The following SBF2 variants were observed in gnomAD, a reference collection of about 807,000 sequenced individuals.
SBF2 encodes myotubularin-related protein 13.
A neutral mutation model predicts 225.2 loss-of-function variants in SBF2; 112 were observed. The ratio of observed to expected loss-of-function variants is 0.50; its 90% CI spans 0.43 to 0.58. SBF2 has a LOEUF of 0.58. Among genes scored for constraint, SBF2 ranks in the 20% least tolerant of loss-of-function variants. SBF2 has a pLI of 0.00. For synonymous variants in SBF2, 763 were observed against 773.3 expected, an observed-to-expected ratio of 0.99 and a Z score of 0.22; for missense variants, 1,996 against 2,206.2, an observed-to-expected ratio of 0.90 and a Z score of 1.91.
At chr11:10,018,304 G>A (rs886823494) in intron 6 of SBF2, among the ~76,000 whole-genome samples, 1 of 151,880 alleles carries the variant, frequency 6.6e-6, no homozygotes, top group African/African-American at 2.4e-5. Context: ...CAGTGAAGAC[G>A]AAAGACTGGT....
At chr11:9,817,063 T>A (rs771063988) in intron 28 of SBF2, 39 bp from the exon 29 acceptor site, 14 of 1,608,776 alleles carry the variant, frequency 8.7e-6, no homozygotes, top group African/African-American at 6.7e-5. Context: ...GATAATCTAA[T>A]GTGGGAATGC....
intron 6 of SBF2, among the ~76,000 whole-genome samples, chr11:10,017,940 T>C (rs1948712116): frequency 6.6e-6 from 1 of 152,188 alleles, no homozygotes; most frequent in African/African-American, 2.4e-5. Context: ...CATCAGATTT[T>C]TCCAACCTTC....
chr11:10,278,534 A>C (rs1319818265), intron 1 of SBF2, among the ~76,000 whole-genome samples: 3 of 152,194 alleles, frequency 2.0e-5, no homozygotes, highest in Admixed American at 2.0e-4. Context: ...TAATCCCAGC[A>C]CTTTGGGAGG....
chr11:10,288,870 C>A (rs1963969661), intron 1 of SBF2, among the ~76,000 whole-genome samples: 1 of 152,168 alleles, frequency 6.6e-6, no homozygotes, highest in South Asian at 2.1e-4. Flanking sequence ...AGAAAAGGTA[C>A]CACAAGTCCT....
At chr11:10,020,287 G>A (rs1046263707) in intron 6 of SBF2, among the ~76,000 whole-genome samples, 2 of 151,992 alleles carry the variant, frequency 1.3e-5, no homozygotes, top group African/African-American at 4.8e-5. Context: ...TAGGAACACT[G>A]GATTGGTAAA....
At chr11:10,216,324 A>T (rs57522724) in intron 1 of SBF2, among the ~76,000 whole-genome samples, 11,158 of 152,312 alleles carry the variant, frequency 0.073, 597 homozygotes, top group East Asian at 0.29. Context: ...CACTGAGTCA[A>T]AATCTTTTTG....
chr11:10,196,866 A>ATATTTTT lies in SBF2; in HGVS notation c.56-2880_56-2879insAAAAATA. On this transcript the variant is annotated intron_variant, in intron 1 of 39. Coordinates refer to ENST00000256190, the MANE Select transcript of SBF2 (RefSeq NM_030962.4). ...TATATATATATATATATATATATAT[A>ATATTTTT]TTTTTTTTTTCCTACAAAATGAATA... is the stretch of plus-strand genomic sequence containing the variant. Among the ~76,000 whole-genome samples, 362 of 99,244 alleles carry ATATTTTT rather than the reference A, an allele frequency of 3.6e-3. 8 individuals carry two copies. The highest frequency in any genetic ancestry group is 7.6e-3 in the African/African-American group (188 of 24,776). The allele number at this position is 99,244 out of a possible 152,430, so 65.1% of individuals were successfully genotyped here. A position where few individuals can be genotyped will look rare whatever the true frequency, so the allele number is the denominator to read the frequency against.
chr11:10,012,825 C>T (rs1293041621), intron 6 of SBF2, among the ~76,000 whole-genome samples: 1 of 151,752 alleles, frequency 6.6e-6, no homozygotes, highest in East Asian at 1.9e-4. Context: ...CTTTAAGCTG[C>T]AAAATCTGCT....
chr11:9,847,642 T>C (rs536834633), intron 22 of SBF2, among the ~76,000 whole-genome samples: 103 of 152,328 alleles, frequency 6.8e-4, no homozygotes, highest in African/African-American at 2.3e-3. Flanking sequence ...TTATACTATA[T>C]ATATGTGCCT....
chr11:9,875,427 A>G (rs1859145818), intron 17 of SBF2, among the ~76,000 whole-genome samples: 2 of 152,114 alleles, frequency 1.3e-5, no homozygotes, highest in Admixed American at 6.5e-5. Context: ...GTGGTTTGCT[A>G]TTTATGTTTC....
chr11:10,285,708 G>A (rs1011584412), intron 1 of SBF2, among the ~76,000 whole-genome samples: 1 of 152,180 alleles, frequency 6.6e-6, no homozygotes, highest in African/African-American at 2.4e-5. Flanking sequence ...CAAGCTGCTT[G>A]CTCAAGCCCA....
chr11:10,258,895 TA>T (rs1961159269), intron 1 of SBF2, among the ~76,000 whole-genome samples: 1 of 151,106 alleles, frequency 6.6e-6, no homozygotes. Context: ...CACAAAGGAG[TA>T]AGAAACTACT....
chr11:10,063,641 G>A (rs547531566), intron 2 of SBF2, among the ~76,000 whole-genome samples: 46 of 151,766 alleles, frequency 3.0e-4, no homozygotes, highest in Non-Finnish European at 5.0e-4. Flanking sequence ...ACAGACGTGA[G>A]CCACCGCGCC....
At chr11:10,169,779 C>A (rs1373255341) in intron 2 of SBF2, among the ~76,000 whole-genome samples, 4 of 152,132 alleles carry the variant, frequency 2.6e-5, no homozygotes, top group Admixed American at 2.6e-4. Context: ...GTGGCTTTAG[C>A]AATTTACATT....
At chr11:10,036,445 T>C (rs556879538) in intron 3 of SBF2, among the ~76,000 whole-genome samples, 3 of 152,296 alleles carry the variant, frequency 2.0e-5, no homozygotes, top group African/African-American at 7.2e-5. Context: ...ATTCAGAAGA[T>C]GACTTGCAAT....
chr11:9,968,216 TG>T (rs943380088), intron 14 of SBF2, 124 bp downstream of exon 14: 14 of 837,206 alleles, frequency 1.7e-5, no homozygotes, highest in Non-Finnish European at 1.4e-5. Context: ...GTATTGATAA[TG>T]CTCTGATTCT....
Position 9,873,500 on chromosome 11 carries a change from G to C in SBF2, c.1930-15104C>G, listed in dbSNP as rs566827257. ...AGAAGCAGCAGCCAGGGGCTCAAGGGATAGTGGGGGCAGCAGCATAGTTGC... is the reference window on the plus strand; with the variant it reads ...AGAAGCAGCAGCCAGGGGCTCAAGGCATAGTGGGGGCAGCAGCATAGTTGC... On this transcript the variant is annotated intron_variant, in intron 17 of 39. Transcript: ENST00000256190. Among the ~76,000 whole-genome samples the C allele has an allele frequency of 1.6e-4, 25 of 152,244 alleles. No individual in the cohort carries two copies. In the South Asian group the frequency reaches 5.2e-3, roughly 32 times the overall value.
chr11:9,812,566 A>C lies in SBF2; in HGVS notation c.4121T>G (p.Leu1374Arg), dbSNP rs1854248122. 6.8e-6 allele frequency: 11 copies of C among 1,614,246 alleles called. No individual in the cohort carries two copies. The highest frequency in any genetic ancestry group is 9.3e-6 in the Non-Finnish European group (11 of 1,180,046). The part of the protein sequence containing the change: ...TIPTDSEVTF[L>R]KALGDSEWFP... ...CCACTCAGAATCTCCCAGCGCTTTC[A>C]GGAAGGTCACTTCTGAGTCAGTAGG... Residue 1374 changes from leucine to arginine, a missense_variant, in exon 30 of 40, where the codon CTG becomes CGG. Transcript: ENST00000256190.
At chr11:9,830,781 A>C (rs1245437712) in intron 27 of SBF2, among the ~76,000 whole-genome samples, 7 of 151,818 alleles carry the variant, frequency 4.6e-5, no homozygotes, top group Admixed American at 2.6e-4. Flanking sequence ...AAAACAAAAA[A>C]CAAAAAACAA....
Sources: allele counts gnomAD v4.1 joint callset (sites outside exome capture counted in the v4.1 genomes callset), GRCh38; gene constraint gnomAD v4.1.1; transcripts MANE v1.5; gene names NCBI Gene and HGNC (gene_info 2026-07-23, HGNC 2026-07-21).